The following GTPBP1 variants were observed in gnomAD, a reference collection of about 807,000 sequenced individuals.
GTPBP1 encodes the protein GTP-binding protein 1.
In GTPBP1, 23 loss-of-function variants were observed where a neutral mutation model predicts 62.0. The observed-to-expected ratio is 0.37, with a 90% CI of 0.27 to 0.53. The LOEUF is 0.53. Among genes scored for constraint, GTPBP1 ranks in the 20% least tolerant of loss-of-function variants. GTPBP1 has a pLI of 0.89. For missense variants in GTPBP1, 640 were observed against 917.3 expected, an observed-to-expected ratio of 0.70 and a Z score of 3.90; for synonymous variants, 344 against 364.4, an observed-to-expected ratio of 0.94 and a Z score of 0.64.
chr22:38,727,383 G>T lies in GTPBP1; in HGVS notation c.1537+35G>T, dbSNP rs751927632. The T allele has an allele frequency of 6.7e-7, 1 of 1,499,206 alleles. No individual in the cohort carries two copies. Among genetic ancestry groups the T allele is most frequent in the Non-Finnish European group, 8.9e-7 (1 of 1,119,826 alleles). The allele number at this position is 1,499,206 out of a possible 1,614,324, so 92.9% of individuals were successfully genotyped here. A position where few individuals can be genotyped will look rare whatever the true frequency, so the allele number is the denominator to read the frequency against. ...TAAGGCCCTGCCAGCCCAGGAGGCC[G>T]TCGTGTTAGCTCCCCTCAGAAGGTG... On this transcript the variant is annotated intron_variant, in intron 9 of 11. Transcript: ENST00000216044. The surrounding 1 kb of genome is among the most constrained non-coding windows in gnomAD (Gnocchi z 6.5).
rs369739803 is a variant in GTPBP1, at chr22:38,716,961, C to T, written c.795C>T (p.Phe265=). The T allele has an allele frequency of 4.0e-5, 64 of 1,613,008 alleles. No individual in the cohort carries two copies. Among genetic ancestry groups the T allele is most frequent in the Non-Finnish European group, 4.8e-5 (57 of 1,179,066 alleles). The change falls in exon 4 of 12, where the codon TTC becomes TTT. Residue 265 remains phenylalanine (F), a synonymous_variant. Coordinates refer to ENST00000216044, the MANE Select transcript of GTPBP1 (RefSeq NM_004286.5). The surrounding 1 kb of genome is among the most constrained non-coding windows in gnomAD (Gnocchi z 5.2). ...AGAAGTACCTGAAAACCACTGTCTT[C>T]GGCATGACAGGCCATCTGCCTGACT... The part of the protein sequence containing the change: ...GHEKYLKTTV[F]GMTGHLPDFC...
Position 38,727,902 on chromosome 22 carries a change from C to G in GTPBP1, c.1538-81C>G. ...ACCCTTCCACAGCTTAAGCGTATTT[C>G]ATGCTTTCACTCACTGCCTCCCGTT... On this transcript the variant is annotated intron_variant, in intron 9 of 11. Transcript: ENST00000216044. The surrounding 1 kb of genome is among the most constrained non-coding windows in gnomAD (Gnocchi z 6.5). 2 of 942,478 alleles carry G rather than the reference C, an allele frequency of 2.1e-6. No individual in the cohort carries two copies. The highest frequency in any genetic ancestry group is 3.4e-6 in the Non-Finnish European group (2 of 587,642). 58.4% of individuals were successfully genotyped at this position (942,478 alleles called of 1,614,324 possible).
At chr22:38,742,666 C>T (rs1040367663), downstream of GTPBP1, 10 of 1,407,784 alleles carry the variant, frequency 7.1e-6, no homozygotes, top group South Asian at 7.0e-5. Context: ...ATTCCAGAGA[C>T]GTTCCAGCAT....
Position 38,730,266 on chromosome 22 carries a change from C to T in GTPBP1, c.1918-346C>T, listed in dbSNP as rs1336638534. ...GGAGGCTATGCCTGGATCTGTCTGT[C>T]CATTCTGTTATCTGTCTCCCATGGG... On this transcript the variant is annotated intron_variant, in intron 11 of 11. Transcript: ENST00000216044. This position sits in a 1 kb window ranked among gnomAD's most constrained non-coding sequence, Gnocchi z 5.6. Among the ~76,000 whole-genome samples, 2 of 152,250 alleles carry T rather than the reference C, an allele frequency of 1.3e-5. No individual in the cohort carries two copies. Among genetic ancestry groups the T allele is most frequent in the African/African-American group, 4.8e-5 (2 of 41,466 alleles).
At chr22:38,742,692 CGGCTGGAGCTCGTGGGCAGG>C, downstream of GTPBP1, 3 of 1,188,136 alleles carry the variant, frequency 2.5e-6, no homozygotes, top group Non-Finnish European at 3.4e-6. Flanking sequence ...CATGCAGGGC[CGGCTGGAGCTCGTGGGCAGG>C]GGCTGCCGAC....
rs1482432444 is a variant in GTPBP1 at position 38,732,567 on chromosome 22, A to G, written c.*1863A>G. 6.6e-6 allele frequency: 1 copy of G among 152,284 alleles called. No homozygotes were observed. Among genetic ancestry groups the G allele is most frequent in the Non-Finnish European group, 1.5e-5 (1 of 68,080 alleles). 9.4% of individuals were successfully genotyped at this position (152,284 alleles called of 1,614,324 possible). On this transcript the variant is annotated 3_prime_UTR_variant, in exon 12 of 12. Transcript: ENST00000216044. ...GGCTTGCTCAGTGAGCGGTCTGCAC[A>G]CCGTTAGCCACCCTGCCACCTCTGT... is the stretch of plus-strand genomic sequence containing the variant.
downstream of GTPBP1, chr22:38,741,050 C>G: frequency 6.3e-7 from 1 of 1,596,354 alleles, no homozygotes; most frequent in Non-Finnish European, 8.5e-7. Context: ...GCCTCGGACT[C>G]CTGTGTAGGA....
Position 38,715,926 on chromosome 22 carries a change from G to A in GTPBP1, c.324G>A (p.Leu108=), listed in dbSNP as rs771348433. ...GQGSDGTEYG[L]SEADMEASYA... ...CACCAGATGGGACTGAGTATGGGCTGAGTGAAGCTGACATGGAGGCCTCCT... is the reference window on the plus strand; with the variant it reads ...CACCAGATGGGACTGAGTATGGGCTAAGTGAAGCTGACATGGAGGCCTCCT... The change falls in exon 3 of 12, where the codon CTG becomes CTA. Residue 108 remains leucine, a synonymous_variant. Transcript: ENST00000216044. The A allele has an allele frequency of 3.1e-6, 5 of 1,613,746 alleles. No homozygotes were observed. The highest frequency in any genetic ancestry group is 2.5e-6 in the Non-Finnish European group (3 of 1,179,838).
At chr22:38,739,546 C>T (rs78853873), downstream of GTPBP1, 7 of 1,350,138 alleles carry the variant, frequency 5.2e-6, no homozygotes, top group African/African-American at 5.8e-5. This position sits in a 1 kb window ranked among gnomAD's most constrained non-coding sequence, Gnocchi z 6.7. Context: ...TGTGCTGGTG[C>T]CCAGGCAGAT....
chr22:38,715,647 G>C (rs1231936004), intron 2 of GTPBP1, among the ~76,000 whole-genome samples: 1 of 152,132 alleles, frequency 6.6e-6, no homozygotes, highest in East Asian at 1.9e-4. Flanking sequence ...ATGAGGCTTG[G>C]CATAAAACCT....
At position 38,729,591 on chromosome 22, in the gene GTPBP1, C is replaced by T. The variant is rs1385502144; in HGVS notation, c.1846C>T (p.Pro616Ser). 3 of 1,572,674 alleles carry T rather than the reference C, an allele frequency of 1.9e-6. No homozygotes were observed. The highest frequency in any genetic ancestry group is 2.3e-5 in the East Asian group (1 of 43,384). The change falls in exon 11 of 12, where the codon CCC (proline) becomes TCC (serine). Residue 616 changes from proline to serine, a missense_variant. Pro to Ser is a moderately conservative substitution (Grantham distance 74). This residue lies in a region of GTPBP1 where 117 missense variants were observed against 107.1 expected (regional missense o/e 1.09). Transcript: ENST00000216044. ...GTCTGGTGGGCCAGCAGTAGGAGCA[C>T]CCCCACCTGGAGATGAAGCCTCCTC... is the stretch of plus-strand genomic sequence containing the variant. ...GPSGGPAVGA[P>S]PPGDEASSVG...
downstream of GTPBP1, chr22:38,736,494 C>T (rs574848949): frequency 3.9e-4 from 302 of 765,098 alleles, no homozygotes; most frequent in Middle Eastern, 3.4e-3. Context: ...CCTGCTCCTT[C>T]CCTGGGGCTC....
At chr22:38,740,508 C>A (rs1286655054), downstream of GTPBP1, 3 of 1,385,824 alleles carry the variant, frequency 2.2e-6, no homozygotes, top group South Asian at 1.7e-5. This position sits in a 1 kb window ranked among gnomAD's most constrained non-coding sequence, Gnocchi z 4.8. Context: ...TGAAAGAGGA[C>A]CCCCTAGTGG....
chr22:38,721,955 C>A, intron 5 of GTPBP1, 90 bp downstream of exon 5: 1 of 839,394 alleles, frequency 1.2e-6, no homozygotes, highest in Non-Finnish European at 1.7e-6. Context: ...GGCTTTAGCC[C>A]AGAAACTTCT....
At chr22:38,742,170 A>G, downstream of GTPBP1, 1 of 1,139,114 alleles carries the variant, frequency 8.8e-7, no homozygotes. Context: ...AGAAAAAAAG[A>G]GAAAGGGAGT....
intron 10 of GTPBP1, chr22:38,729,100 CTG>C (rs2092742216): frequency 1.1e-5 from 2 of 174,962 alleles, no homozygotes; most frequent in Non-Finnish European, 2.4e-5. Flanking sequence ...TTGCCAGGCT[CTG>C]TGCAGGCTCT....
intron 4 of GTPBP1, among the ~76,000 whole-genome samples, chr22:38,720,718 C>T (rs906867779): frequency 6.6e-6 from 1 of 152,116 alleles, no homozygotes; most frequent in Non-Finnish European, 1.5e-5. Context: ...TTTATTGTTA[C>T]TGGAAGGATA....
rs1024445534 is a variant in GTPBP1, at chr22:38,726,516, A to G, written c.1401+76A>G. ...TCTTGGCCAGATGCCCTGCTCACCC[A>G]CTCTAGTCCTCATGGCTGCTCTGCA... On this transcript the variant is annotated intron_variant, in intron 8 of 11. Coordinates refer to ENST00000216044, the MANE Select transcript of GTPBP1 (RefSeq NM_004286.5). This position sits in a 1 kb window ranked among gnomAD's most constrained non-coding sequence, Gnocchi z 4.1. 5 of 1,242,456 alleles carry G rather than the reference A, an allele frequency of 4.0e-6. No homozygotes were observed. The allele number at this position is 1,242,456 out of a possible 1,614,324, so 77.0% of individuals were successfully genotyped here.
chr22:38,714,058 A>G (rs1028307919), intron 2 of GTPBP1, among the ~76,000 whole-genome samples: 1 of 152,214 alleles, frequency 6.6e-6, no homozygotes, highest in Non-Finnish European at 1.5e-5. Context: ...GTGGGGAGGC[A>G]CATCAGGAGA....
Sources: allele counts gnomAD v4.1 joint callset (sites outside exome capture counted in the v4.1 genomes callset), GRCh38; gene constraint gnomAD v4.1.1; regional missense constraint gnomAD v4.1.1; non-coding constraint Gnocchi (gnomAD v3.1); transcripts MANE v1.5; gene names NCBI Gene and HGNC (gene_info 2026-07-23, HGNC 2026-07-21).